AFAP1: variants seen among roughly 807,000 people sequenced by gnomAD.
The protein encoded by AFAP1 is actin filament associated protein 1.
In AFAP1, 75 loss-of-function variants were observed where a neutral mutation model predicts 93.9. The observed-to-expected ratio is 0.80, with a 90% CI of 0.66 to 0.97. The LOEUF is 0.97. AFAP1 is among the 50% of genes least tolerant of loss of function. The pLI is 0.00. For synonymous variants in AFAP1, 517 were observed against 430.7 expected, an observed-to-expected ratio of 1.20 and a Z score of -2.48; for missense variants, 1,201 against 1,050.8, an observed-to-expected ratio of 1.14 and a Z score of -1.98.
chr4:7,828,639 T>C lies in AFAP1; in HGVS notation c.727-9468A>G, dbSNP rs892443298. Reference sequence around the variant, plus strand: ...CAGTGGTAAGAGCAGCTTTTACTTATGTAAGGCTCATGACATGCTTTCTGC... The same window carrying C: ...CAGTGGTAAGAGCAGCTTTTACTTACGTAAGGCTCATGACATGCTTTCTGC... On this transcript the variant is annotated intron_variant, in intron 6 of 17. Coordinates refer to ENST00000420658, the MANE Select transcript of AFAP1 (RefSeq NM_001134647.2). Among the ~76,000 whole-genome samples the C allele has an allele frequency of 5.3e-5, 8 of 152,204 alleles. No homozygotes were observed. In the South Asian group the frequency reaches 1.7e-3, roughly 31 times the overall value.
intron 10 of AFAP1, chr4:7,798,831 C>T: frequency 2.1e-6 from 2 of 963,146 alleles, no homozygotes; most frequent in Non-Finnish European, 2.5e-6. Flanking sequence ...TCCACCCACC[C>T]CCACCGCACC....
At position 7,762,402 on chromosome 4, in the gene AFAP1, TGA is replaced by T. The variant is rs1398816455; in HGVS notation, c.*1361_*1362del. 2 of 152,278 alleles carry T rather than the reference TGA, an allele frequency of 1.3e-5. No homozygotes were observed. The highest frequency in any genetic ancestry group is 2.9e-5 in the Non-Finnish European group (2 of 68,080). 9.4% of individuals were successfully genotyped at this position (152,278 alleles called of 1,614,324 possible). ...CGGTTGCTACTGGGACTGGTCTCCA[TGA>T]ATCTGCCTGCGGAGGCGTTCAGGGG... On this transcript the variant is annotated 3_prime_UTR_variant, in exon 18 of 18. Coordinates refer to ENST00000420658, the MANE Select transcript of AFAP1 (RefSeq NM_001134647.2).
chr4:7,866,378 T>C (rs1369629018), intron 3 of AFAP1, among the ~76,000 whole-genome samples: 1 of 151,886 alleles, frequency 6.6e-6, no homozygotes, highest in Non-Finnish European at 1.5e-5. Flanking sequence ...GTATTTCCTC[T>C]ACAGATGGGG....
intron 9 of AFAP1, 114 bp downstream of exon 9, chr4:7,809,500 T>G: frequency 7.8e-7 from 1 of 1,282,918 alleles, no homozygotes; most frequent in Non-Finnish European, 1.1e-6. Context: ...CCAAGTCCAA[T>G]GCAAAAGAGC....
intron 1 of AFAP1, among the ~76,000 whole-genome samples, chr4:7,926,077 T>C (rs1720718462): frequency 6.6e-6 from 1 of 152,200 alleles, no homozygotes; most frequent in Non-Finnish European, 1.5e-5. Context: ...AGAAAAAGGC[T>C]GTTGATCCCT....
At chr4:7,918,233 C>T (rs1003726128) in intron 1 of AFAP1, among the ~76,000 whole-genome samples, 3 of 150,698 alleles carry the variant, frequency 2.0e-5, no homozygotes, top group Non-Finnish European at 3.0e-5. Flanking sequence ...ATGAGACACT[C>T]GGCCCAGGTC....
intron 10 of AFAP1, among the ~76,000 whole-genome samples, chr4:7,797,941 G>A (rs6835308): frequency 0.12 from 18,268 of 152,250 alleles, 1,315 homozygotes; most frequent in East Asian, 0.27. Context: ...CAAGCATGCG[G>A]AATGTTGGTC....
In AFAP1 at chr4:7,786,185, G is replaced by T. The variant is rs770041446; in HGVS notation, c.1530+9C>A. On this transcript the variant is annotated intron_variant, in intron 12 of 17. Transcript: ENST00000420658. ...AAACCAACCATTACTCCAAAAAAAGGGCACTCACCGAGCCGTTGATGCACG... is the reference window on the plus strand; with the variant it reads ...AAACCAACCATTACTCCAAAAAAAGTGCACTCACCGAGCCGTTGATGCACG... 9 of 1,610,312 alleles carry T rather than the reference G, an allele frequency of 5.6e-6. No individual in the cohort carries two copies. The East Asian group carries it at 1.3e-4, about 24-fold the overall frequency.
chr4:7,910,125 T>C (rs753197527), intron 1 of AFAP1, among the ~76,000 whole-genome samples: 13 of 152,140 alleles, frequency 8.5e-5, no homozygotes, highest in Non-Finnish European at 1.9e-4. Context: ...CTCTGAGCCA[T>C]GAAAATTCAG....
At chr4:7,794,950 C>G (rs1024024767) in intron 10 of AFAP1, among the ~76,000 whole-genome samples, 2 of 151,780 alleles carry the variant, frequency 1.3e-5, no homozygotes, top group Non-Finnish European at 2.9e-5. Flanking sequence ...ATTAAGCTAT[C>G]AAATCTATGA....
At chr4:7,890,430 G>GA (rs1055358750) in intron 1 of AFAP1, among the ~76,000 whole-genome samples, 5 of 152,152 alleles carry the variant, frequency 3.3e-5, no homozygotes, top group African/African-American at 1.2e-4. Flanking sequence ...ACGTCTCAAT[G>GA]AAAACATAGG....
At chr4:7,917,599 G>C (rs146105251) in intron 1 of AFAP1, among the ~76,000 whole-genome samples, 109 of 152,282 alleles carry the variant, frequency 7.2e-4, no homozygotes, top group African/African-American at 2.6e-3. Context: ...AAGGTAAAAT[G>C]GAATGAGCCT....
chr4:7,768,778 C>A (rs1051761809), intron 17 of AFAP1, 66 bp downstream of exon 17: 2 of 1,477,316 alleles, frequency 1.4e-6, no homozygotes, highest in Non-Finnish European at 1.8e-6. Flanking sequence ...TACTCACACC[C>A]GAGAATGCTG....
intron 3 of AFAP1, among the ~76,000 whole-genome samples, chr4:7,857,373 T>A (rs975922723): frequency 2.0e-5 from 3 of 152,200 alleles, no homozygotes; most frequent in African/African-American, 7.2e-5. Context: ...TCTCACCAGA[T>A]GAAGAAGAGA....
chr4:7,904,050 TC>T (rs1417723853), intron 1 of AFAP1, among the ~76,000 whole-genome samples: 2 of 152,138 alleles, frequency 1.3e-5, no homozygotes, highest in Non-Finnish European at 2.9e-5. Context: ...AACAGATTTT[TC>T]CATGTTTTGC....
In AFAP1 at chr4:7,935,298, T is replaced by C. The variant is rs549731695; in HGVS notation, c.-3+4358A>G. On this transcript the variant is annotated intron_variant, in intron 1 of 17. Coordinates refer to ENST00000420658, the MANE Select transcript of AFAP1 (RefSeq NM_001134647.2). ...AACTCCATTTTACAGGTAAGGGAAC[T>C]GAAGTTCAGAAAAGTACTTGGACTT... Among the ~76,000 whole-genome samples, 3 of 152,350 alleles carry C rather than the reference T, an allele frequency of 2.0e-5. No homozygotes were observed. In the East Asian group the frequency reaches 5.8e-4, roughly 29 times the overall value.
At chr4:7,855,652 T>C in intron 3 of AFAP1, 78 bp from the exon 4 acceptor site, 2 of 1,157,644 alleles carry the variant, frequency 1.7e-6, no homozygotes, top group East Asian at 2.4e-5. Flanking sequence ...TTAACAGGTG[T>C]GGCCAGTCTT....
chr4:7,842,557 C>T (rs1560193133), intron 5 of AFAP1: 1 of 151,930 alleles, frequency 6.6e-6, no homozygotes, highest in Non-Finnish European at 1.5e-5. Flanking sequence ...GAAGGGACGC[C>T]ACACCGTCCT....
chr4:7,848,128 G>GAAGGAAGGAAGGAAGGAAGGAAGTAAGT (rs1377379539), intron 4 of AFAP1, among the ~76,000 whole-genome samples: 7 of 110,964 alleles, frequency 6.3e-5, no homozygotes, highest in African/African-American at 2.4e-4. Flanking sequence ...AGGAAGGAAG[G>GAAGGAAGGAAGGAAGGAAGGAAGTAAGT]GAGTGAGTGA....
Sources: allele counts gnomAD v4.1 joint callset (sites outside exome capture counted in the v4.1 genomes callset), GRCh38; gene constraint gnomAD v4.1.1; transcripts MANE v1.5; gene names NCBI Gene and HGNC (gene_info 2026-07-23, HGNC 2026-07-21).